PTPRS: variants seen among roughly 807,000 people sequenced by gnomAD.
The protein encoded by PTPRS is receptor-type tyrosine-protein phosphatase S.
Under a neutral mutation model 215.3 loss-of-function variants are expected in PTPRS, and 63 were observed. That is an observed-to-expected ratio of 0.29 (90% CI 0.24 to 0.36). PTPRS has a LOEUF of 0.36. PTPRS is among the 10% of genes least tolerant of loss of function. The probability of loss-of-function intolerance (pLI) is 1.00; values close to 1 mark genes in which losing one functional copy is unlikely to be tolerated. For missense variants in PTPRS, 2,258 were observed against 2,825.8 expected (o/e 0.80, Z 4.56); for synonymous variants, 1,404 against 1,191.4 (o/e 1.18, Z -3.68).
intron 18 of PTPRS, 138 bp downstream of exon 18, chr19:5,222,551 G>A (rs1227709075): frequency 8.7e-6 from 9 of 1,029,274 alleles, no homozygotes; most frequent in Non-Finnish European, 1.2e-5. Flanking sequence ...CGGAGCCTCG[G>A]GGTCCGGACT....
At chr19:5,276,966 T>A (rs12983522) in intron 2 of PTPRS, among the ~76,000 whole-genome samples, 26,827 of 151,972 alleles carry the variant, frequency 0.18, 2,756 homozygotes, top group Non-Finnish European at 0.24. Context: ...AACCTTTGCA[T>A]CTCCCAGAGG....
chr19:5,217,461 G>A (rs1227346935), intron 25 of PTPRS, among the ~76,000 whole-genome samples: 1 of 151,986 alleles, frequency 6.6e-6, no homozygotes, highest in African/African-American at 2.4e-5. Context: ...CCTTTATGAG[G>A]ACAGCAGCCA....
At chr19:5,239,116 AC>A in intron 12 of PTPRS, 53 bp from the exon 13 acceptor site, 1 of 1,410,456 alleles carries the variant, frequency 7.1e-7, no homozygotes, top group Non-Finnish European at 9.8e-7. Context: ...AGAGAGAGAG[AC>A]AGAAACAAAG....
intron 6 of PTPRS, 104 bp downstream of exon 6, chr19:5,262,860 G>A: frequency 7.7e-7 from 1 of 1,293,736 alleles, no homozygotes; most frequent in Non-Finnish European, 1.1e-6. Context: ...GTGGGTCACA[G>A]TTACCATCAC....
intron 19 of PTPRS, among the ~76,000 whole-genome samples, chr19:5,221,840 TAATCCCAGACTGAACCTC>T (rs2145365172): frequency 6.6e-6 from 1 of 152,280 alleles, no homozygotes; most frequent in African/African-American, 2.4e-5. Context: ...GACTAAATCT[TAATCCCAGACTGAACCTC>T]AATCCCAGCT....
intron 2 of PTPRS, among the ~76,000 whole-genome samples, chr19:5,283,282 C>CCCAGCACTTTCGCCTGTCACA (rs891371571): frequency 5.3e-5 from 4 of 75,044 alleles, no homozygotes; most frequent in Non-Finnish European, 8.8e-5. Context: ...CTCCTGTCAC[C>CCCAGCACTTTCGCCTGTCACA]CCAGCACTTT....
At chr19:5,270,289 T>TCCCCCCCCCCCCCCCCCCCCCCCC (rs1388055236) in intron 4 of PTPRS, among the ~76,000 whole-genome samples, 1 of 49,780 alleles carries the variant, frequency 2.0e-5, no homozygotes, top group Non-Finnish European at 4.5e-5. Context: ...TTCTTCCCCC[T>TCCCCCCCCCCCCCCCCCCCCCCCC]CCCCCCCACC....
chr19:5,227,193 T>G (rs956380247), intron 16 of PTPRS, among the ~76,000 whole-genome samples: 1 of 151,990 alleles, frequency 6.6e-6, no homozygotes, highest in Non-Finnish European at 1.5e-5. Flanking sequence ...AATACAGACG[T>G]GCACCACCAC....
intron 1 of PTPRS, among the ~76,000 whole-genome samples, chr19:5,322,895 AAAAAAGAAG>A (rs1190077545): frequency 2.1e-5 from 3 of 144,874 alleles, no homozygotes; most frequent in East Asian, 2.0e-4. Context: ...AAAAAAAAAA[AAAAAAGAAG>A]AAGAAGAAGA....
intron 2 of PTPRS, among the ~76,000 whole-genome samples, chr19:5,285,578 C>T (rs536483859): frequency 6.6e-6 from 1 of 152,332 alleles, no homozygotes; most frequent in African/African-American, 2.4e-5. Context: ...AGTTTGTCTG[C>T]CTGTGTGTCT....
intron 2 of PTPRS, among the ~76,000 whole-genome samples, chr19:5,285,061 G>T (rs1040358155): frequency 3.9e-5 from 6 of 152,352 alleles, no homozygotes; most frequent in African/African-American, 7.2e-5. Flanking sequence ...CTACGTTTGT[G>T]GTAACACAGG....
chr19:5,228,131 TGA>T (rs1379829108), intron 16 of PTPRS, among the ~76,000 whole-genome samples: 2 of 151,502 alleles, frequency 1.3e-5, no homozygotes, highest in Non-Finnish European at 2.9e-5. Context: ...CCAGTGTGGG[TGA>T]GAGATGGGAG....
Position 5,219,336 on chromosome 19 carries a change from A to G in PTPRS, c.3897T>C (p.Ile1299=), listed in dbSNP as rs772239389. 2 of 1,614,068 alleles carry G rather than the reference A, an allele frequency of 1.2e-6. No homozygotes were observed. Among genetic ancestry groups the G allele is most frequent in the Non-Finnish European group, 1.7e-6 (2 of 1,180,002 alleles). Reference sequence around the variant, plus strand: ...TCTTGTAGAGCAGGATAGCAATGACAATGCAGATTATGAAGACCACGGCCA... The same window carrying G: ...TCTTGTAGAGCAGGATAGCAATGACGATGCAGATTATGAAGACCACGGCCA... ...PVLAVVFIIC[I]VIAILLYKNK... Residue 1299 remains isoleucine, a synonymous_variant, in exon 23 of 38, where the codon ATT becomes ATC. Coordinates refer to ENST00000262963, the MANE Select transcript of PTPRS (RefSeq NM_002850.4).
At chr19:5,223,907 G>A (rs1196909105) in intron 17 of PTPRS, among the ~76,000 whole-genome samples, 1 of 151,760 alleles carries the variant, frequency 6.6e-6, no homozygotes, top group Non-Finnish European at 1.5e-5. Context: ...GGGTGTGGTG[G>A]CTCACATCTG....
chr19:5,273,877 C>A lies in PTPRS; in HGVS notation c.238-294G>T, dbSNP rs992417554. On this transcript the variant is annotated intron_variant, in intron 3 of 37. Coordinates refer to ENST00000262963, the MANE Select transcript of PTPRS (RefSeq NM_002850.4). ...GCATGCAAAGGCATGTGAAGACATG[C>A]GGAATGTGTCAATGTGCACGTGTGA... Among the ~76,000 whole-genome samples the A allele has an allele frequency of 2.0e-5, 3 of 152,136 alleles. No homozygotes were observed. The East Asian group carries it at 5.8e-4, about 29-fold the overall frequency.
Position 5,239,031 on chromosome 19 carries a change from G to A in PTPRS, c.1737C>T (p.Tyr579=), listed in dbSNP as rs766784309. The part of the protein sequence containing the change: ...VGRTFDPTTS[Y]VVEDLKPNTE... ...TGTTGGGCTTCAGGTCCTCCACCACGTAGGAAGTCGTCGGGTCGAAGGTCC... is the reference window on the plus strand; with the variant it reads ...TGTTGGGCTTCAGGTCCTCCACCACATAGGAAGTCGTCGGGTCGAAGGTCC... Residue 579 remains tyrosine, a synonymous_variant, in exon 13 of 38, where the codon TAC becomes TAT. Transcript: ENST00000262963. The A allele has an allele frequency of 8.7e-6, 14 of 1,613,428 alleles. No individual in the cohort carries two copies. The highest frequency in any genetic ancestry group is 1.2e-5 in the Non-Finnish European group (14 of 1,179,832).
intron 9 of PTPRS, 76 bp from the exon 10 acceptor site, chr19:5,246,121 G>A (rs2044461452): frequency 2.6e-6 from 2 of 779,908 alleles, no homozygotes; most frequent in East Asian, 3.3e-5. Flanking sequence ...GGGGAAGACA[G>A]GATGCGGAGG....
intron 1 of PTPRS, among the ~76,000 whole-genome samples, chr19:5,297,170 C>T (rs2049161469): frequency 6.6e-6 from 1 of 152,162 alleles, no homozygotes; most frequent in African/African-American, 2.4e-5. Context: ...CCTCTGTATA[C>T]ACCCAGGAGG....
chr19:5,270,697 G>A (rs1227200309), intron 4 of PTPRS, among the ~76,000 whole-genome samples: 2 of 152,098 alleles, frequency 1.3e-5, no homozygotes, highest in Non-Finnish European at 2.9e-5. Context: ...GAGTACAGTG[G>A]CGCAATCTCA....
Sources: allele counts gnomAD v4.1 joint callset (sites outside exome capture counted in the v4.1 genomes callset), GRCh38; gene constraint gnomAD v4.1.1; transcripts MANE v1.5; gene names NCBI Gene and HGNC (gene_info 2026-07-23, HGNC 2026-07-21).